The following CGNL1 variants were observed in gnomAD, a reference collection of about 807,000 sequenced individuals.
The protein encoded by CGNL1 is cingulin-like protein 1.
In CGNL1, 132 loss-of-function variants were observed where a neutral mutation model predicts 141.2. The observed-to-expected ratio is 0.93, with a 90% CI of 0.81 to 1.08. The LOEUF is 1.08. CGNL1 is among the 50% of genes least tolerant of loss of function. The probability of loss-of-function intolerance (pLI) is 0.00; values close to 1 mark genes in which losing one functional copy is unlikely to be tolerated. For missense variants in CGNL1, 1,870 were observed against 1,588.6 expected, an observed-to-expected ratio of 1.18 and a Z score of -3.01; for synonymous variants, 690 against 622.1, an observed-to-expected ratio of 1.11 and a Z score of -1.63.
At position 57,545,574 on chromosome 15, in the gene CGNL1, C is replaced by T. The variant is rs1051919272; in HGVS notation, c.3501-18C>T. 7 of 1,606,316 alleles carry T rather than the reference C, an allele frequency of 4.4e-6. No homozygotes were observed. The highest frequency in any genetic ancestry group is 1.1e-5 in the South Asian group (1 of 89,448). ...GATGGGAGTGAGAGGGTTCTTGGTT[C>T]TGTCTCCCCTCTTCCAGGGATCGGG... On this transcript the variant is annotated intron_variant, in intron 16 of 18. Transcript: ENST00000281282.
chr15:57,480,397 G>A (rs188773372), intron 8 of CGNL1, among the ~76,000 whole-genome samples: 2 of 151,502 alleles, frequency 1.3e-5, no homozygotes, highest in African/African-American at 4.9e-5. Context: ...GTGTACATTT[G>A]TAATCCCAGC....
At chr15:57,505,725 A>G (rs1361844643) in intron 8 of CGNL1, among the ~76,000 whole-genome samples, 1 of 152,012 alleles carries the variant, frequency 6.6e-6, no homozygotes, top group East Asian at 1.9e-4. Context: ...TCCTGTGGCC[A>G]TGGAAGTGTG....
chr15:57,398,607 C>T (rs138830068), intron 1 of CGNL1, among the ~76,000 whole-genome samples: 122 of 152,318 alleles, frequency 8.0e-4, no homozygotes, highest in African/African-American at 2.8e-3. Context: ...ACCCTCATGG[C>T]AGCGTGTTGT....
At chr15:57,433,472 C>T (rs1427116239) in intron 1 of CGNL1, among the ~76,000 whole-genome samples, 2 of 152,182 alleles carry the variant, frequency 1.3e-5, no homozygotes, top group East Asian at 1.9e-4. Flanking sequence ...CAGGGGTGAT[C>T]CCCGGGCTGG....
intron 8 of CGNL1, among the ~76,000 whole-genome samples, chr15:57,470,256 C>CTTTTTT (rs60982599): frequency 0.027 from 3,110 of 113,804 alleles, 233 homozygotes; most frequent in African/African-American, 0.1. Flanking sequence ...TTTTGTCTCT[C>CTTTTTT]TTTTTTTTTT....
chr15:57,423,134 C>T (rs1377870969), intron 1 of CGNL1, among the ~76,000 whole-genome samples: 1 of 152,132 alleles, frequency 6.6e-6, no homozygotes, highest in African/African-American at 2.4e-5. Context: ...CCATATGCTT[C>T]TGCAACTGGT....
chr15:57,484,467 C>T (rs2063763198), intron 8 of CGNL1, among the ~76,000 whole-genome samples: 1 of 151,940 alleles, frequency 6.6e-6, no homozygotes, highest in Non-Finnish European at 1.5e-5. Context: ...GTATTTTATC[C>T]TTTTTTTCTT....
chr15:57,499,954 G>A (rs1275109949), intron 8 of CGNL1, among the ~76,000 whole-genome samples: 1 of 152,144 alleles, frequency 6.6e-6, no homozygotes, highest in African/African-American at 2.4e-5. Context: ...GTTGGGAGTC[G>A]TTCTGGGCTC....
rs764279831 is a variant in CGNL1 at position 57,438,444 on chromosome 15, C to T, written c.445C>T (p.Pro149Ser). ...TCACCTGCTGAACTTTCAGAGGCAT[C>T]CAGAGCTTTTGCAACCCTATGACCC... Reference protein sequence around the residue: ...PSHLLNFQRHPELLQPYDPEK... With the variant: ...PSHLLNFQRHSELLQPYDPEK... The change falls in exon 2 of 19, where the codon CCA (proline) becomes TCA (serine). Residue 149 changes from proline (P) to serine (S), a missense_variant. Pro to Ser is a moderately conservative substitution (Grantham distance 74). Transcript: ENST00000281282. 1.2e-5 allele frequency: 20 copies of T among 1,614,012 alleles called. No homozygotes were observed. The East Asian group carries it at 1.8e-4, about 14-fold the overall frequency.
chr15:57,395,284 C>A (rs1215129486), intron 1 of CGNL1, among the ~76,000 whole-genome samples: 1 of 152,214 alleles, frequency 6.6e-6, no homozygotes, highest in Non-Finnish European at 1.5e-5. Context: ...CCTTCAGTTC[C>A]CAAATGAGTC....
chr15:57,531,176 TG>T (rs753302355), intron 13 of CGNL1, among the ~76,000 whole-genome samples: 7 of 152,260 alleles, frequency 4.6e-5, no homozygotes, highest in Non-Finnish European at 5.9e-5. Context: ...CACTGTCTTT[TG>T]GTTAATCCAA....
intron 8 of CGNL1, among the ~76,000 whole-genome samples, chr15:57,510,395 G>A (rs1193452356): frequency 6.6e-6 from 1 of 152,238 alleles, no homozygotes; most frequent in Non-Finnish European, 1.5e-5. Flanking sequence ...TGACTTCAGA[G>A]CCTTTGCTGT....
At chr15:57,526,391 G>T (rs981882488) in intron 12 of CGNL1, among the ~76,000 whole-genome samples, 1 of 151,890 alleles carries the variant, frequency 6.6e-6, no homozygotes, top group Non-Finnish European at 1.5e-5. Flanking sequence ...ACAAGCCAAG[G>T]TCTCTCTGGA....
intron 8 of CGNL1, among the ~76,000 whole-genome samples, chr15:57,489,546 T>C (rs759537593): frequency 8.5e-5 from 13 of 152,236 alleles, no homozygotes; most frequent in Admixed American, 7.2e-4. Flanking sequence ...TAGTTTTAGC[T>C]CTTACATTTA....
At chr15:57,395,133 C>T (rs2152238709) in intron 1 of CGNL1, among the ~76,000 whole-genome samples, 1 of 152,132 alleles carries the variant, frequency 6.6e-6, no homozygotes, top group Non-Finnish European at 1.5e-5. Context: ...AAACAAAAAC[C>T]CCACCAAACC....
At chr15:57,422,758 G>C (rs899645271) in intron 1 of CGNL1, among the ~76,000 whole-genome samples, 55 of 152,142 alleles carry the variant, frequency 3.6e-4, no homozygotes, top group African/African-American at 1.3e-3. Context: ...GTCAGTATTG[G>C]CTTTAGGTGG....
chr15:57,458,182 C>G (rs1430615446), intron 7 of CGNL1, among the ~76,000 whole-genome samples: 1 of 152,218 alleles, frequency 6.6e-6, no homozygotes, highest in East Asian at 1.9e-4. Context: ...GCTCTCGCCA[C>G]TCCCAGACAG....
chr15:57,547,398 G>A lies in CGNL1; in HGVS notation c.3817G>A (p.Asp1273Asn), dbSNP rs190150815. 1.7e-5 allele frequency: 27 copies of A among 1,614,202 alleles called. No homozygotes were observed. Among genetic ancestry groups the A allele is most frequent in the East Asian group, 6.7e-5 (3 of 44,894 alleles). ...PSKVLDDMDD[D>N]DDLSTDGGSL... ...TAAAGTGCTGGATGACATGGATGAC[G>A]ACGATGACCTCAGCACGGATGGGGG... Residue 1273 changes from aspartate to asparagine, a missense_variant, in exon 19 of 19, where the codon GAC becomes AAC. Asp to Asn is a conservative substitution (Grantham distance 23, BLOSUM62 1). Transcript: ENST00000281282.
At chr15:57,464,586 G>C (rs371508354) in intron 8 of CGNL1, among the ~76,000 whole-genome samples, 1 of 152,158 alleles carries the variant, frequency 6.6e-6, no homozygotes, top group East Asian at 1.9e-4. Context: ...AATTTTTTCA[G>C]TGGTGATGTG....
Sources: allele counts gnomAD v4.1 joint callset (sites outside exome capture counted in the v4.1 genomes callset), GRCh38; gene constraint gnomAD v4.1.1; transcripts MANE v1.5; gene names NCBI Gene and HGNC (gene_info 2026-07-23, HGNC 2026-07-21).